EIF2AK2: variants seen among roughly 807,000 people sequenced by gnomAD.
EIF2AK2 encodes interferon-induced, double-stranded RNA-activated protein kinase.
A neutral mutation model predicts 70.5 loss-of-function variants in EIF2AK2; 40 were observed. The ratio of observed to expected loss-of-function variants is 0.57; its 90% CI spans 0.44 to 0.74. The LOEUF is 0.74. EIF2AK2 is among the 30% of genes least tolerant of loss of function. The pLI, the probability that EIF2AK2 is intolerant of heterozygous loss-of-function variation, is 0.00. For missense variants in EIF2AK2, 555 were observed against 644.3 expected (o/e 0.86, Z 1.50); for synonymous variants, 198 against 220.9 (o/e 0.90, Z 0.92).
intron 4 of EIF2AK2, among the ~76,000 whole-genome samples, chr2:37,143,683 A>C (rs1450521095): frequency 2.0e-5 from 3 of 152,030 alleles, no homozygotes; most frequent in African/African-American, 7.2e-5. Context: ...CAGGAGTTCA[A>C]GACCAGCCTG....
chr2:37,100,992 CCTT>C lies in EIF2AK2; in HGVS notation c.*6278_*6280del, dbSNP rs1673814428. 6.6e-6 allele frequency: 1 copy of C among 152,236 alleles called. No homozygotes were observed. 9.4% of individuals were successfully genotyped at this position (152,236 alleles called of 1,614,324 possible). Reference sequence around the variant, plus strand: ...AATGGCATCAGAATCCTGCTACTAACCTTCTAACAAACTTGGAGGTAATCTTTG... The same window carrying C: ...AATGGCATCAGAATCCTGCTACTAACCTAACAAACTTGGAGGTAATCTTTG... On this transcript the variant is annotated 3_prime_UTR_variant, in exon 17 of 17. Coordinates refer to ENST00000233057, the MANE Select transcript of EIF2AK2 (RefSeq NM_001135651.3).
At chr2:37,122,217 G>A (rs545846409) in intron 12 of EIF2AK2, among the ~76,000 whole-genome samples, 4 of 152,326 alleles carry the variant, frequency 2.6e-5, no homozygotes, top group African/African-American at 4.8e-5. Context: ...AAGCCGGCAC[G>A]TGAACAAGGC....
chr2:37,110,350 C>T (rs568040235), intron 14 of EIF2AK2, among the ~76,000 whole-genome samples: 275 of 151,994 alleles, frequency 1.8e-3, no homozygotes, highest in African/African-American at 6.3e-3. Context: ...CCCACCTCAG[C>T]CTCCCAAAGT....
At chr2:37,114,698 G>A (rs777689598) in intron 14 of EIF2AK2, 33 bp downstream of exon 14, 2 of 1,492,256 alleles carry the variant, frequency 1.3e-6, no homozygotes, top group Admixed American at 2.4e-5. Flanking sequence ...AATAAAAGAA[G>A]TAAAATATAG....
rs961879511 is a variant in EIF2AK2 at position 37,125,985 on chromosome 2, C to T, written c.908+304G>A. ...TAATGATAGGTTCTATCTGGTGCCA[C>T]GGTTTTTAAAATACGGAGCATTTCA... On this transcript the variant is annotated intron_variant, in intron 11 of 16. Transcript: ENST00000233057. Among the ~76,000 whole-genome samples, 23 of 152,278 alleles carry T rather than the reference C, an allele frequency of 1.5e-4. No individual in the cohort carries two copies. The East Asian group carries it at 1.9e-3, about 13-fold the overall frequency.
intron 5 of EIF2AK2, 97 bp from the exon 6 acceptor site, chr2:37,139,854 G>T: frequency 8.1e-7 from 1 of 1,230,762 alleles, no homozygotes; most frequent in South Asian, 1.5e-5. Context: ...GAGATCTTAA[G>T]ATAACACCAA....
chr2:37,118,179 T>C (rs947368811), intron 13 of EIF2AK2, among the ~76,000 whole-genome samples: 1 of 150,688 alleles, frequency 6.6e-6, no homozygotes, highest in Non-Finnish European at 1.5e-5. Context: ...CCAGGTGTGG[T>C]GGTGTACACC....
At chr2:37,148,709 A>C (rs1258892865) in intron 2 of EIF2AK2, 148 bp downstream of exon 2, 1 of 826,954 alleles carries the variant, frequency 1.2e-6, no homozygotes. Context: ...TCATCACATA[A>C]AAATTTATAT....
chr2:37,125,711 G>A (rs1013879109), intron 11 of EIF2AK2, among the ~76,000 whole-genome samples: 6 of 152,276 alleles, frequency 3.9e-5, no homozygotes, highest in East Asian at 1.9e-4. Context: ...AAATCCCTCT[G>A]AGACCCCAAG....
intron 12 of EIF2AK2, among the ~76,000 whole-genome samples, chr2:37,122,032 C>T (rs1390366563): frequency 6.6e-6 from 1 of 152,192 alleles, no homozygotes; most frequent in Non-Finnish European, 1.5e-5. Context: ...TCACTCCCCA[C>T]CACCCCAGCA....
At chr2:37,148,807 C>A in intron 2 of EIF2AK2, 50 bp downstream of exon 2, 1 of 829,590 alleles carries the variant, frequency 1.2e-6, no homozygotes, top group Non-Finnish European at 2.1e-6. Flanking sequence ...ATGTAATTGA[C>A]TTAGATGATG....
At chr2:37,112,729 A>G (rs1461272358) in intron 14 of EIF2AK2, among the ~76,000 whole-genome samples, 1 of 152,250 alleles carries the variant, frequency 6.6e-6, no homozygotes, top group Non-Finnish European at 1.5e-5. Context: ...AATTTTATAT[A>G]TGATAAAATA....
In EIF2AK2 at chr2:37,139,638, G is replaced by A. The variant is rs770879483; in HGVS notation, c.509C>T (p.Thr170Ile). 8.7e-6 allele frequency: 14 copies of A among 1,611,812 alleles called. No individual in the cohort carries two copies. The highest frequency in any genetic ancestry group is 1.1e-5 in the Non-Finnish European group (13 of 1,179,530). The change falls in exon 6 of 17, where the codon ACC becomes ATC. Residue 170 changes from threonine (T) to isoleucine (I), a missense_variant. Coordinates refer to ENST00000233057, the MANE Select transcript of EIF2AK2 (RefSeq NM_001135651.3). Reference protein sequence around the residue: ...LAYLQILSEETSVKSDYLSSG... With the variant: ...LAYLQILSEEISVKSDYLSSG... ...TCCAAAGGCAATACGTACCACTGAG[G>A]TTTCTTCTGATAATATCTGAAGATA...
At chr2:37,128,754 T>C (rs1007756461) in intron 10 of EIF2AK2, among the ~76,000 whole-genome samples, 4 of 152,150 alleles carry the variant, frequency 2.6e-5, no homozygotes, top group African/African-American at 9.7e-5. Flanking sequence ...AAAGCCCCTA[T>C]ACAAAATCCA....
intron 1 of EIF2AK2, among the ~76,000 whole-genome samples, chr2:37,149,718 T>G (rs1301449412): frequency 6.6e-6 from 1 of 152,200 alleles, no homozygotes; most frequent in Non-Finnish European, 1.5e-5. Context: ...AAGTACAAAC[T>G]TCTCTGCTAG....
intron 13 of EIF2AK2, among the ~76,000 whole-genome samples, chr2:37,119,567 A>C (rs887304483): frequency 1.1e-4 from 16 of 151,596 alleles, no homozygotes; most frequent in South Asian, 4.2e-4. Flanking sequence ...AAAAAAATAT[A>C]TATCTATCTA....
chr2:37,129,528 C>T (rs978542609), intron 10 of EIF2AK2, among the ~76,000 whole-genome samples: 4 of 152,192 alleles, frequency 2.6e-5, no homozygotes, highest in Admixed American at 1.3e-4. Flanking sequence ...TTCGCCCCCA[C>T]ATCTAGTGAG....
chr2:37,141,155 TC>T (rs1675316377), intron 5 of EIF2AK2, among the ~76,000 whole-genome samples: 1 of 152,176 alleles, frequency 6.6e-6, no homozygotes, highest in Non-Finnish European at 1.5e-5. Context: ...GACAAAGAGC[TC>T]CCTGATCTGA....
chr2:37,137,439 C>T (rs1675166765), intron 8 of EIF2AK2, among the ~76,000 whole-genome samples: 1 of 152,128 alleles, frequency 6.6e-6, no homozygotes, highest in African/African-American at 2.4e-5. Context: ...TTCAACATTG[C>T]CTGCTTATGT....
Sources: allele counts gnomAD v4.1 joint callset (sites outside exome capture counted in the v4.1 genomes callset), GRCh38; gene constraint gnomAD v4.1.1; transcripts MANE v1.5; gene names NCBI Gene and HGNC (gene_info 2026-07-23, HGNC 2026-07-21).